RBFOX3: variants seen among roughly 807,000 people sequenced by gnomAD.
RBFOX3 encodes RNA binding protein fox-1 homolog 3.
RBFOX3 carries 17 observed loss-of-function variants against 48.7 expected under a neutral mutation model. The observed-to-expected ratio is 0.35, with a 90% CI of 0.24 to 0.52. RBFOX3 has a LOEUF of 0.52. RBFOX3 is among the 20% of genes least tolerant of loss of function. The pLI is 0.94. For missense variants in RBFOX3, 382 were observed against 497.5 expected, an observed-to-expected ratio of 0.77 and a Z score of 2.21; for synonymous variants, 212 against 209.5, an observed-to-expected ratio of 1.01 and a Z score of -0.10.
intron 11 of RBFOX3, 27 bp downstream of exon 11, chr17:79,097,265 C>T (rs2075505267): frequency 3.3e-6 from 5 of 1,525,048 alleles, no homozygotes; most frequent in Non-Finnish European, 2.7e-6. Flanking sequence ...CCCCCTCCTC[C>T]ACGCCTCCCC....
chr17:79,094,741 C>T (rs577320828), intron 13 of RBFOX3, among the ~76,000 whole-genome samples: 1 of 149,562 alleles, frequency 6.7e-6, no homozygotes, highest in African/African-American at 2.5e-5. Context: ...AGGCAACCCT[C>T]TCAATATGCC....
chr17:79,470,539 TAA>T (rs1184360055), intron 2 of RBFOX3, among the ~76,000 whole-genome samples: 1 of 152,154 alleles, frequency 6.6e-6, no homozygotes, highest in Non-Finnish European at 1.5e-5. Context: ...CACATGCATC[TAA>T]GGTTAGAATC....
At chr17:79,312,084 T>C (rs1388938622) in intron 2 of RBFOX3, among the ~76,000 whole-genome samples, 1 of 152,242 alleles carries the variant, frequency 6.6e-6, no homozygotes, top group South Asian at 2.1e-4. Flanking sequence ...ATGCCACAGT[T>C]AGCAGCGCTA....
At chr17:79,357,596 A>G (rs2085419717) in intron 2 of RBFOX3, among the ~76,000 whole-genome samples, 1 of 152,102 alleles carries the variant, frequency 6.6e-6, no homozygotes, top group Non-Finnish European at 1.5e-5. Context: ...GCACCACTGC[A>G]CTCCAGCCTG....
the RBFOX3 span, among the ~76,000 whole-genome samples, chr17:79,620,401 G>GCA: frequency 5.0e-5 from 7 of 141,312 alleles, no homozygotes; most frequent in Non-Finnish European, 9.1e-5. Flanking sequence ...ATGCCCACAT[G>GCA]CACACACACG....
chr17:79,424,192 G>A (rs1297010031), intron 2 of RBFOX3: 1 of 152,380 alleles, frequency 6.6e-6, no homozygotes, highest in Admixed American at 6.5e-5. Flanking sequence ...GAATCCTCCA[G>A]GCAAGTACAT....
At chr17:79,530,495 C>G (rs964578055) in intron 1 of RBFOX3, among the ~76,000 whole-genome samples, 9 of 152,158 alleles carry the variant, frequency 5.9e-5, no homozygotes, top group Non-Finnish European at 1.3e-4. Context: ...CCGGGGCCAA[C>G]TGATGGTAGT....
chr17:79,620,400 T>C, the RBFOX3 span, among the ~76,000 whole-genome samples: 32 of 129,948 alleles, frequency 2.5e-4, no homozygotes, highest in African/African-American at 7.1e-4. Context: ...CATGCCCACA[T>C]GCACACACAC....
intron 1 of RBFOX3, among the ~76,000 whole-genome samples, chr17:79,497,736 T>C (rs1326095077): frequency 3.9e-5 from 6 of 152,332 alleles, no homozygotes; most frequent in Admixed American, 3.3e-4. Context: ...TGAGGGGCCA[T>C]CTCTGAAGGT....
At chr17:79,278,421 C>A (rs2069439976) in intron 3 of RBFOX3, among the ~76,000 whole-genome samples, 1 of 152,210 alleles carries the variant, frequency 6.6e-6, no homozygotes, top group African/African-American at 2.4e-5. Flanking sequence ...CCACATGGCA[C>A]CTGCTCCCAG....
intron 2 of RBFOX3, among the ~76,000 whole-genome samples, chr17:79,386,045 A>C (rs2148044134): frequency 6.8e-6 from 1 of 147,466 alleles, no homozygotes; most frequent in South Asian, 2.2e-4. Flanking sequence ...AACACCTCCC[A>C]TTACAGAAAG....
At chr17:79,143,717 C>T (rs1053316849) in intron 4 of RBFOX3, among the ~76,000 whole-genome samples, 1 of 152,228 alleles carries the variant, frequency 6.6e-6, no homozygotes, top group Non-Finnish European at 1.5e-5. Flanking sequence ...GGCCCCCACA[C>T]CTGGAAGCCA....
At chr17:79,570,827 G>T (rs1458297166) in intron 1 of RBFOX3, among the ~76,000 whole-genome samples, 2 of 152,196 alleles carry the variant, frequency 1.3e-5, no homozygotes, top group African/African-American at 4.8e-5. Flanking sequence ...TTCCAGGAGT[G>T]GGCCTGTGGG....
At chr17:79,113,882 ATG>A (rs1461009061) in intron 5 of RBFOX3, among the ~76,000 whole-genome samples, 3 of 152,082 alleles carry the variant, frequency 2.0e-5, no homozygotes, top group Non-Finnish European at 4.4e-5. Flanking sequence ...GGAAGACTTT[ATG>A]TGTGTCCTGG....
chr17:79,159,551 T>C (rs980574859), intron 4 of RBFOX3, among the ~76,000 whole-genome samples: 1 of 152,160 alleles, frequency 6.6e-6, no homozygotes, highest in Non-Finnish European at 1.5e-5. Flanking sequence ...TCAAGCAATA[T>C]TCCTTTGGGA....
At chr17:79,628,528 C>A in the RBFOX3 span, among the ~76,000 whole-genome samples, 2 of 152,170 alleles carry the variant, frequency 1.3e-5, no homozygotes, top group African/African-American at 2.4e-5. Context: ...CGAGGGGAGC[C>A]CTGAACTCCA....
intron 2 of RBFOX3, among the ~76,000 whole-genome samples, chr17:79,319,982 G>T (rs2078254115): frequency 6.8e-6 from 1 of 147,560 alleles, no homozygotes; most frequent in Non-Finnish European, 1.5e-5. Flanking sequence ...TGCTGGTCTT[G>T]CCTGGGCTGC....
Position 79,310,470 on chromosome 17 carries a change from C to T in RBFOX3, c.-174-2646G>A, listed in dbSNP as rs1166662379. 2.0e-5 allele frequency among the ~76,000 whole-genome samples: 3 copies of T among 152,190 alleles called. No individual in the cohort carries two copies. The East Asian group carries it at 5.8e-4, about 29-fold the overall frequency. ...CCTGTAGACTTTTTTCTGCACTCCT[C>T]CCAGTAGAGGCTCCCATGGGCCCCT... On this transcript the variant is annotated intron_variant, in intron 2 of 14. Transcript: ENST00000693108.
rs531959912 is a variant in RBFOX3 at position 79,089,568 on chromosome 17, G to C, written c.*1315C>G. 1 of 152,612 alleles carries C rather than the reference G, an allele frequency of 6.6e-6. No homozygotes were observed. The highest frequency in any genetic ancestry group is 1.5e-5 in the Non-Finnish European group (1 of 68,074). 9.5% of individuals were successfully genotyped at this position (152,612 alleles called of 1,614,324 possible). A position where few individuals can be genotyped will look rare whatever the true frequency, so the allele number is the denominator to read the frequency against. On this transcript the variant is annotated 3_prime_UTR_variant, in exon 15 of 15. Transcript: ENST00000693108. ...CAGAGGACAAAGCCGGAGGCAGGGC[G>C]TGGGGCTATGTACAACGGGAATAGA...
Sources: allele counts gnomAD v4.1 joint callset (sites outside exome capture counted in the v4.1 genomes callset), GRCh38; gene constraint gnomAD v4.1.1; transcripts MANE v1.5; gene names NCBI Gene and HGNC (gene_info 2026-07-23, HGNC 2026-07-21).